Variants in TCTN1 observed in about 807,000 individuals in gnomAD.
TCTN1 encodes tectonic family member 1.
A neutral mutation model predicts 65.8 loss-of-function variants in TCTN1; 58 were observed. That is an observed-to-expected ratio of 0.88 (90% confidence interval 0.71 to 1.10). TCTN1 has a LOEUF of 1.10. Ranked by LOEUF, TCTN1 falls within the 50% of genes least tolerant of loss-of-function variation. TCTN1 has a pLI of 0.00. For synonymous variants in TCTN1, 273 were observed against 289.1 expected, an observed-to-expected ratio of 0.94 and a Z score of 0.57; for missense variants, 645 against 719.4, an observed-to-expected ratio of 0.90 and a Z score of 1.18.
At chr12:110,634,448 G>A (rs966375255) in intron 5 of TCTN1, 20 of 584,758 alleles carry the variant, frequency 3.4e-5, no homozygotes, top group African/African-American at 2.6e-4. Flanking sequence ...AGGCCGAGGC[G>A]AGAGGATCAC....
In TCTN1 at chr12:110,644,805, G is replaced by T; in HGVS notation, c.1332-162G>T. 1.2e-6 allele frequency: 1 copy of T among 857,712 alleles called. No individual in the cohort carries two copies. The highest frequency in any genetic ancestry group is 1.5e-5 in the South Asian group (1 of 67,436). The allele number at this position is 857,712 out of a possible 1,614,324, so 53.1% of individuals were successfully genotyped here. On this transcript the variant is annotated intron_variant, in intron 11 of 14. Coordinates refer to ENST00000397659, the MANE Select transcript of TCTN1 (RefSeq NM_001082538.3). This position sits in a 1 kb window ranked among gnomAD's most constrained non-coding sequence, Gnocchi z 4.6. ...TGCATGAGCCCAGGAGTTTGAGGCT[G>T]CAGGGAGCTATGATGGTGCCACTGC...
Position 110,619,819 on chromosome 12 carries a change from C to A in TCTN1, c.221-17C>A. 1 of 1,613,912 alleles carries A rather than the reference C, an allele frequency of 6.2e-7. No homozygotes were observed. The highest frequency in any genetic ancestry group is 8.5e-7 in the Non-Finnish European group (1 of 1,179,982). On this transcript the variant is annotated splice_polypyrimidine_tract_variant and intron_variant, in intron 1 of 14. Transcript: ENST00000397659. ...CTGATGGTGATGTTCTGGATCCTACCCCTCTTTTTTCTGCAGTTGCTGTTC... is the reference window on the plus strand; with the variant it reads ...CTGATGGTGATGTTCTGGATCCTACACCTCTTTTTTCTGCAGTTGCTGTTC...
chr12:110,641,150 G>A lies in TCTN1; in HGVS notation c.1104+1G>A, dbSNP rs756402483. On this transcript the variant is annotated splice_donor_variant, in intron 9 of 14. Transcript: ENST00000397659. LOFTEE classifies it high-confidence loss of function. ...AAAGTTTGAAATTCATTTTCTTCAG[G>A]TAAGGTTGATCAATTTGGCATAAGT... 6.2e-7 allele frequency: 1 copy of A among 1,614,052 alleles called. No homozygotes were observed. Among genetic ancestry groups the A allele is most frequent in the African/African-American group, 1.3e-5 (1 of 74,924 alleles).
In TCTN1 at chr12:110,628,814, A is replaced by C; in HGVS notation, c.520A>C (p.Asn174His). ...TAATCCAGAAGTACCTGATGAAAAC[A>C]ATTTTGATACATTGATGAAAACATC... The part of the protein sequence containing the change: ...FINPEVPDEN[N>H]FDTLMKTSDG... Residue 174 changes from asparagine (N) to histidine (H), a missense_variant, in exon 4 of 15, where the codon AAT becomes CAT. Transcript: ENST00000397659. 6.2e-7 allele frequency: 1 copy of C among 1,612,802 alleles called. No individual in the cohort carries two copies. Among genetic ancestry groups the C allele is most frequent in the Non-Finnish European group, 8.5e-7 (1 of 1,179,154 alleles).
intron 2 of TCTN1, among the ~76,000 whole-genome samples, chr12:110,622,391 G>T (rs899762281): frequency 7.9e-5 from 12 of 152,220 alleles, no homozygotes; most frequent in Admixed American, 6.5e-4. Context: ...GATGAGTTAG[G>T]CACTCTCCTG....
intron 1 of TCTN1, among the ~76,000 whole-genome samples, chr12:110,617,189 G>T (rs573457367): frequency 2.0e-5 from 3 of 152,204 alleles, no homozygotes; most frequent in African/African-American, 7.2e-5. Context: ...ATTTTACTAG[G>T]CACATAGAAG....
At chr12:110,620,046 A>T in intron 2 of TCTN1, 90 bp downstream of exon 2, 1 of 1,581,242 alleles carries the variant, frequency 6.3e-7, no homozygotes, top group South Asian at 1.1e-5. Context: ...AGGCTTAAAA[A>T]CCCAAACCTG....
Position 110,619,934 on chromosome 12 carries a change from G to T in TCTN1, c.319G>T (p.Ala107Ser). The change falls in exon 2 of 15, where the codon GCC (alanine) becomes TCC (serine). Residue 107 changes from alanine to serine, a missense_variant. By Grantham distance (99) the Ala-to-Ser change is moderately conservative (BLOSUM62 1). Transcript: ENST00000397659. ...CSSVDFSVFS[A>S]CSVPVVTGDS... ...CTCCGTGGATTTCAGTGTCTTTTCT[G>T]CCTGCTCAGTTCCAGTTGTCACGTA... 3 of 1,614,026 alleles carry T rather than the reference G, an allele frequency of 1.9e-6. No individual in the cohort carries two copies. Among genetic ancestry groups the T allele is most frequent in the Non-Finnish European group, 2.5e-6 (3 of 1,180,036 alleles).
chr12:110,622,386 G>A lies in TCTN1; in HGVS notation c.341+2430G>A, dbSNP rs540615751. Reference sequence around the variant, plus strand: ...GCCAGCACCAGGGACATAAAGATGAGTTAGGCACTCTCCTGCCTTCAAAGA... The same window carrying A: ...GCCAGCACCAGGGACATAAAGATGAATTAGGCACTCTCCTGCCTTCAAAGA... On this transcript the variant is annotated intron_variant, in intron 2 of 14. Coordinates refer to ENST00000397659, the MANE Select transcript of TCTN1 (RefSeq NM_001082538.3). Among the ~76,000 whole-genome samples, 17 of 152,238 alleles carry A rather than the reference G, an allele frequency of 1.1e-4. No homozygotes were observed. The East Asian group carries it at 2.9e-3, about 26-fold the overall frequency.
intron 4 of TCTN1, among the ~76,000 whole-genome samples, chr12:110,630,490 CAT>C (rs2066161954): frequency 6.6e-6 from 1 of 152,136 alleles, no homozygotes; most frequent in Admixed American, 6.6e-5. Flanking sequence ...AAATGGGACA[CAT>C]ATTAACTGAA....
chr12:110,619,016 CAAAA>C, intron 1 of TCTN1, among the ~76,000 whole-genome samples: 1 of 109,258 alleles, frequency 9.2e-6, no homozygotes, highest in East Asian at 2.5e-4. Flanking sequence ...AATAAAAATA[CAAAA>C]AAAAAAAAAA....
chr12:110,627,774 T>C (rs1350766456), intron 3 of TCTN1: 1 of 477,242 alleles, frequency 2.1e-6, no homozygotes, highest in Non-Finnish European at 3.7e-6. Context: ...AGCATTTAGC[T>C]CAAATATATG....
chr12:110,618,522 A>C (rs906361848), intron 1 of TCTN1, among the ~76,000 whole-genome samples: 1 of 152,074 alleles, frequency 6.6e-6, no homozygotes, highest in African/African-American at 2.4e-5. Flanking sequence ...TACAGGCATG[A>C]ACCACCGCGC....
chr12:110,635,391 A>G (rs2066495064), intron 6 of TCTN1, among the ~76,000 whole-genome samples: 1 of 152,158 alleles, frequency 6.6e-6, no homozygotes, highest in African/African-American at 2.4e-5. Context: ...AGGCAGGAGG[A>G]TCACTTGAGG....
At chr12:110,628,724 A>T in intron 3 of TCTN1, 43 bp from the exon 4 acceptor site, 2 of 1,490,684 alleles carry the variant, frequency 1.3e-6, no homozygotes, top group South Asian at 1.2e-5. Context: ...TATTATACAT[A>T]TATTTTATAC....
chr12:110,628,115 C>T (rs1390733441), intron 3 of TCTN1: 1 of 1,536,060 alleles, frequency 6.5e-7, no homozygotes, highest in South Asian at 1.2e-5. Flanking sequence ...CTTTCATTCC[C>T]ATAGCCATCC....
At chr12:110,634,590 C>G (rs2066436600) in intron 5 of TCTN1, 80 bp from the exon 6 acceptor site, 3 of 1,134,984 alleles carry the variant, frequency 2.6e-6, no homozygotes, top group Non-Finnish European at 3.8e-6. Context: ...TAGATTAAAA[C>G]TTTTTAGTTG....
chr12:110,646,701 A>G (rs1415764012), intron 12 of TCTN1: 1 of 220,736 alleles, frequency 4.5e-6, no homozygotes. Context: ...GATTACCTAG[A>G]TGTCACATCT....
At chr12:110,623,132 C>A (rs1046970291) in intron 2 of TCTN1, among the ~76,000 whole-genome samples, 3 of 152,176 alleles carry the variant, frequency 2.0e-5, no homozygotes, top group African/African-American at 7.2e-5. Flanking sequence ...CACTAAAAGA[C>A]CTTCAGAAGT....
Sources: gnomAD v4.1 joint callset for allele counts (sites outside exome capture counted in the v4.1 genomes callset) on GRCh38, gnomAD v4.1.1 for gene constraint, Gnocchi (gnomAD v3.1) non-coding constraint, MANE v1.5 for transcripts, NCBI Gene and HGNC (gene_info 2026-07-23, HGNC 2026-07-21) for gene names.